The following DOP1A variants were observed in gnomAD, a reference collection of about 807,000 sequenced individuals.
DOP1A encodes the protein protein DOP1A.
A neutral mutation model predicts 267.6 loss-of-function variants in DOP1A; 90 were observed. The ratio of observed to expected loss-of-function variants is 0.34; its 90% CI spans 0.28 to 0.40. DOP1A has a LOEUF of 0.40. Among genes scored for constraint, DOP1A ranks in the 10% least tolerant of loss-of-function variants. The pLI is 1.00. For missense variants in DOP1A, 2,437 were observed against 2,900.4 expected, an observed-to-expected ratio of 0.84 and a Z score of 3.67; for synonymous variants, 932 against 999.1, an observed-to-expected ratio of 0.93 and a Z score of 1.27.
intron 20 of DOP1A, among the ~76,000 whole-genome samples, chr6:83,136,887 G>A (rs888610860): frequency 1.3e-5 from 2 of 151,976 alleles, no homozygotes; most frequent in African/African-American, 2.4e-5. Flanking sequence ...AAAGAAGACC[G>A]TCATTATTGT....
At position 83,096,948 on chromosome 6, in the gene DOP1A, A is replaced by G; in HGVS notation, c.-30A>G. On this transcript the variant is annotated 5_prime_UTR_variant, in exon 3 of 39. Coordinates refer to ENST00000349129, the MANE Select transcript of DOP1A (RefSeq NM_015018.4). The stretch of plus-strand genomic sequence containing the variant: ...AGGTAATGACTTTACATGAGTTTGG[A>G]ACTGGTCTCTAGTGGGAAGTTGTGG... The G allele has an allele frequency of 6.2e-7, 1 of 1,610,594 alleles. No individual in the cohort carries two copies. The highest frequency in any genetic ancestry group is 8.5e-7 in the Non-Finnish European group (1 of 1,178,560).
intron 1 of DOP1A, among the ~76,000 whole-genome samples, chr6:83,070,435 C>T (rs1368175432): frequency 1.3e-5 from 2 of 152,142 alleles, no homozygotes; most frequent in South Asian, 4.2e-4. Context: ...TATATAGTAT[C>T]AAATTTATTA....
Position 83,137,961 on chromosome 6 carries a change from G to T in DOP1A, c.3919G>T (p.Asp1307Tyr), listed in dbSNP as rs369013216. 78 of 1,605,564 alleles carry T rather than the reference G, an allele frequency of 4.9e-5. No individual in the cohort carries two copies. In the Middle Eastern group the frequency reaches 6.7e-4, roughly 14 times the overall value. ...TAAAGTAAAACTTGCCAGAAAAAAG[G>T]ATGATGACAAGAAAAAATCTTCAAA... ...KPKVKLARKK[D>Y]DDKKKSSNEK... Residue 1307 changes from aspartate (D) to tyrosine (Y), a missense_variant, in exon 21 of 39, where the codon GAT becomes TAT. By Grantham distance (160) the Asp-to-Tyr change is radical. Coordinates refer to ENST00000349129, the MANE Select transcript of DOP1A (RefSeq NM_015018.4).
In DOP1A at chr6:83,152,909, C is replaced by T. The variant is rs186259634; in HGVS notation, c.6129+542C>T. Among the ~76,000 whole-genome samples the T allele has an allele frequency of 7.0e-3, 1,060 of 152,240 alleles. 6 individuals are homozygous for T. Among genetic ancestry groups the T allele is most frequent in the Non-Finnish European group, 8.9e-3 (605 of 68,022 alleles). Reference sequence around the variant, plus strand: ...CTGAGGTTACAGGCATGAGCCACCGCGCCCGGCCTGGGGAGGGGTGGAGGT... The same window carrying T: ...CTGAGGTTACAGGCATGAGCCACCGTGCCCGGCCTGGGGAGGGGTGGAGGT... On this transcript the variant is annotated intron_variant, in intron 30 of 38. Transcript: ENST00000349129.
intron 1 of DOP1A, among the ~76,000 whole-genome samples, chr6:83,075,407 A>C (rs9344335): frequency 0.65 from 99,352 of 151,920 alleles, 33,944 homozygotes; most frequent in Middle Eastern, 0.78. Flanking sequence ...ATAGCATGTC[A>C]TGGGAGTTCA....
chr6:83,168,322 G>C lies in DOP1A; in HGVS notation c.*155G>C. 1 of 1,421,370 alleles carries C rather than the reference G, an allele frequency of 7.0e-7. No individual in the cohort carries two copies. Among genetic ancestry groups the C allele is most frequent in the East Asian group, 2.5e-5 (1 of 39,304 alleles). The allele number at this position is 1,421,370 out of a possible 1,614,324, so 88.0% of individuals were successfully genotyped here. ...TATTTGTATATAAGAGCAAATGTCT[G>C]AATGTGGCCTGAATCAAGTTTAAAT... On this transcript the variant is annotated 3_prime_UTR_variant, in exon 39 of 39. Transcript: ENST00000349129.
chr6:83,112,621 C>T (rs760722379), intron 6 of DOP1A, among the ~76,000 whole-genome samples: 1 of 152,168 alleles, frequency 6.6e-6, no homozygotes, highest in Non-Finnish European at 1.5e-5. Context: ...TGCACCACCA[C>T]ACCCAGCTAA....
chr6:83,163,327 A>G (rs1784678663), intron 38 of DOP1A, among the ~76,000 whole-genome samples: 2 of 152,316 alleles, frequency 1.3e-5, no homozygotes, highest in Admixed American at 1.3e-4. Flanking sequence ...ATGACAAACA[A>G]AAGTATGAGT....
At chr6:83,075,432 A>G (rs1402737643) in intron 1 of DOP1A, among the ~76,000 whole-genome samples, 2 of 152,168 alleles carry the variant, frequency 1.3e-5, no homozygotes, top group East Asian at 3.9e-4. Flanking sequence ...AAGGAGGTGT[A>G]TATGTGAGTG....
Position 83,132,278 on chromosome 6 carries a change from T to G in DOP1A, c.2719T>G (p.Ser907Ala), listed in dbSNP as rs1479772645. The change falls in exon 18 of 39, where the codon TCT becomes GCT. Residue 907 changes from serine to alanine, a missense_variant. Ser to Ala is a moderately conservative substitution (Grantham distance 99). Around this residue, in one of 9 missense-constraint regions of DOP1A, gnomAD observed 878 missense variants for 992.9 expected, o/e 0.88. Transcript: ENST00000349129. ...TCAATTACATAACTTAGTTCCTTCT[T>G]CTAGCATCTGTGAGGATGTTATAAG... ...FYQLHNLVPS[S>A]SICEDVISQQ... The G allele has an allele frequency of 9.9e-6, 16 of 1,613,752 alleles. No homozygotes were observed. Among genetic ancestry groups the G allele is most frequent in the Non-Finnish European group, 1.4e-5 (16 of 1,179,748 alleles).
chr6:83,170,358 G>A (rs745488561), downstream of DOP1A: 22 of 1,614,104 alleles, frequency 1.4e-5, no homozygotes, highest in East Asian at 2.2e-5. Context: ...CCAGAGGGCC[G>A]GACAAAAGCT....
At chr6:83,126,079 TA>T (rs1167123641) in intron 15 of DOP1A, among the ~76,000 whole-genome samples, 1 of 151,458 alleles carries the variant, frequency 6.6e-6, no homozygotes, top group Admixed American at 6.6e-5. Context: ...GTCATATAAA[TA>T]AGTGAGGTAG....
At chr6:83,124,435 T>G (rs896068566) in intron 12 of DOP1A, among the ~76,000 whole-genome samples, 1 of 152,072 alleles carries the variant, frequency 6.6e-6, no homozygotes. Flanking sequence ...CAGGAAGCAA[T>G]GGGAAATAAG....
At chr6:83,089,102 A>G (rs1769852897) in intron 1 of DOP1A, among the ~76,000 whole-genome samples, 1 of 152,216 alleles carries the variant, frequency 6.6e-6, no homozygotes, top group Non-Finnish European at 1.5e-5. Context: ...TTGAGTAATA[A>G]TGAATCTTTT....
intron 1 of DOP1A, among the ~76,000 whole-genome samples, chr6:83,078,103 G>A (rs1235178231): frequency 6.6e-6 from 1 of 152,174 alleles, no homozygotes; most frequent in Non-Finnish European, 1.5e-5. Context: ...AAAATTAATA[G>A]CATGTGTAAA....
At chr6:83,155,282 C>T (rs1321859261) in intron 33 of DOP1A, among the ~76,000 whole-genome samples, 2 of 145,080 alleles carry the variant, frequency 1.4e-5, no homozygotes, top group Non-Finnish European at 3.0e-5. Flanking sequence ...GACAAAATAG[C>T]GAGACCCCAG....
At chr6:83,074,034 G>C (rs901683752) in intron 1 of DOP1A, among the ~76,000 whole-genome samples, 13 of 152,214 alleles carry the variant, frequency 8.5e-5, no homozygotes, top group Admixed American at 8.5e-4. Flanking sequence ...ATCAGGAAGT[G>C]AGGATCATTG....
At chr6:83,091,714 G>A (rs1230062739) in intron 1 of DOP1A, among the ~76,000 whole-genome samples, 1 of 152,034 alleles carries the variant, frequency 6.6e-6, no homozygotes, top group Admixed American at 6.5e-5. Flanking sequence ...TAAATTGCTT[G>A]GCAGGTTAAT....
chr6:83,162,436 A>G (rs1784451379), intron 37 of DOP1A, among the ~76,000 whole-genome samples: 2 of 152,200 alleles, frequency 1.3e-5, no homozygotes, highest in Non-Finnish European at 2.9e-5. Flanking sequence ...ACAAAGAGAT[A>G]AGCTAAATGA....
Sources: gnomAD v4.1 joint callset for allele counts (sites outside exome capture counted in the v4.1 genomes callset) on GRCh38, gnomAD v4.1.1 for gene constraint, gnomAD v4.1.1 regional missense constraint, MANE v1.5 for transcripts, NCBI Gene and HGNC (gene_info 2026-07-23, HGNC 2026-07-21) for gene names.